Variants in RYR3 observed in about 807,000 individuals in gnomAD.
RYR3 encodes ryanodine receptor 3, also known as brain ryanodine receptor-calcium release channel.
RYR3 carries 207 observed loss-of-function variants against 584.3 expected under a neutral mutation model. That is an observed-to-expected ratio of 0.35 (90% confidence interval 0.32 to 0.40). The LOEUF (loss-of-function observed/expected upper bound fraction) is 0.40, where lower values mean the gene tolerates loss of function less well. Among genes scored for constraint, RYR3 ranks in the 10% least tolerant of loss-of-function variants. RYR3 has a pLI of 1.00. For missense variants in RYR3, 5,616 were observed against 6,089.2 expected, an observed-to-expected ratio of 0.92 and a Z score of 2.59; for synonymous variants, 2,416 against 2,248.5, an observed-to-expected ratio of 1.07 and a Z score of -2.11.
chr15:33,859,839 C>A, intron 100 of RYR3, 108 bp downstream of exon 100: 1 of 1,234,298 alleles, frequency 8.1e-7, no homozygotes, highest in Non-Finnish European at 1.1e-6. Flanking sequence ...AATTCATTTA[C>A]TTGTTAATTT....
At chr15:33,684,954 A>T (rs563244420) in intron 38 of RYR3, among the ~76,000 whole-genome samples, 57 of 152,314 alleles carry the variant, frequency 3.7e-4, no homozygotes, top group African/African-American at 1.3e-3. Flanking sequence ...AGCACTAAAC[A>T]TGGAAAGGAA....
intron 10 of RYR3, among the ~76,000 whole-genome samples, chr15:33,558,616 A>T (rs1248632454): frequency 6.6e-6 from 1 of 152,212 alleles, no homozygotes; most frequent in Non-Finnish European, 1.5e-5. Flanking sequence ...TGTGGAAGAC[A>T]GTGTGGCGAT....
chr15:33,829,350 C>T (rs887576707), intron 85 of RYR3, among the ~76,000 whole-genome samples: 3 of 152,054 alleles, frequency 2.0e-5, no homozygotes, highest in Non-Finnish European at 4.4e-5. Flanking sequence ...TTAAGAAATG[C>T]ATTTCGTAAG....
At chr15:33,720,120 T>C (rs56380591) in intron 43 of RYR3, among the ~76,000 whole-genome samples, 1 of 152,334 alleles carries the variant, frequency 6.6e-6, no homozygotes, top group African/African-American at 2.4e-5. Flanking sequence ...GTCTAATAAA[T>C]TTTTTTCTGG....
intron 1 of RYR3, chr15:33,465,881 C>T (rs188164382): frequency 3.3e-4 from 159 of 478,762 alleles, no homozygotes; most frequent in African/African-American, 2.9e-3. Context: ...TTCTCTCTTC[C>T]TCCCTTCCTT....
chr15:33,723,942 C>G, intron 44 of RYR3, 123 bp from the exon 45 acceptor site: 2 of 608,440 alleles, frequency 3.3e-6, no homozygotes, highest in Admixed American at 3.1e-5. Flanking sequence ...AGACGAGGTT[C>G]CAAGGGAAAG....
At chr15:33,608,820 A>C (rs1191761833) in intron 18 of RYR3, among the ~76,000 whole-genome samples, 1 of 152,238 alleles carries the variant, frequency 6.6e-6, no homozygotes, top group African/African-American at 2.4e-5. Flanking sequence ...GGGAAAAGAC[A>C]GTGTCTTTCA....
chr15:33,738,117 A>G (rs532003377), intron 49 of RYR3, among the ~76,000 whole-genome samples: 1 of 152,326 alleles, frequency 6.6e-6, no homozygotes, highest in East Asian at 1.9e-4. Flanking sequence ...CTGACTGGCT[A>G]GAACAGCTCA....
intron 3 of RYR3, among the ~76,000 whole-genome samples, chr15:33,523,357 T>C (rs2054149463): frequency 6.6e-6 from 1 of 152,134 alleles, no homozygotes; most frequent in Non-Finnish European, 1.5e-5. Context: ...CCACACTACC[T>C]TTATGAGCTG....
intron 70 of RYR3, among the ~76,000 whole-genome samples, chr15:33,809,931 C>G (rs1043505444): frequency 2.0e-5 from 3 of 152,166 alleles, no homozygotes; most frequent in African/African-American, 7.2e-5. Flanking sequence ...TTCAGTTTTT[C>G]TCCTAACTTT....
At chr15:33,704,035 C>T (rs150372780) in intron 42 of RYR3, among the ~76,000 whole-genome samples, 8,904 of 152,070 alleles carry the variant, frequency 0.059, 395 homozygotes, top group Admixed American at 0.079. Context: ...TTCAGGAGGC[C>T]GAGGCAGGTG....
At chr15:33,770,391 G>A (rs11639018) in intron 62 of RYR3, among the ~76,000 whole-genome samples, 61,053 of 152,024 alleles carry the variant, frequency 0.4, 14,406 homozygotes, top group East Asian at 0.66. Context: ...GTTTTGTTTT[G>A]TTTTAAATGA....
At chr15:33,560,337 C>G (rs905538807) in intron 10 of RYR3, among the ~76,000 whole-genome samples, 1 of 152,130 alleles carries the variant, frequency 6.6e-6, no homozygotes, top group African/African-American at 2.4e-5. Context: ...GCAGTGACTG[C>G]CGTAGAATTT....
intron 85 of RYR3, among the ~76,000 whole-genome samples, chr15:33,827,822 A>C (rs2059954): frequency 0.78 from 119,040 of 152,150 alleles, 46,692 homozygotes; most frequent in East Asian, 0.96. Context: ...CTAGAGCAAT[A>C]TGTTTAATGT....
chr15:33,440,072 GAGCCTAGGAGCTCAAGACC>G (rs949719405), intron 1 of RYR3, among the ~76,000 whole-genome samples: 19 of 152,290 alleles, frequency 1.2e-4, no homozygotes, highest in African/African-American at 4.6e-4. Context: ...AGGATCACTT[GAGCCTAGGAGCTCAAGACC>G]AGCCTGGGCA....
intron 91 of RYR3, among the ~76,000 whole-genome samples, chr15:33,842,461 A>G (rs1368379344): frequency 1.3e-5 from 2 of 152,238 alleles, no homozygotes; most frequent in Admixed American, 6.5e-5. Context: ...ATTGTTCTAT[A>G]TGCAATCAAA....
intron 1 of RYR3, among the ~76,000 whole-genome samples, chr15:33,409,456 G>A (rs1044200201): frequency 6.6e-6 from 1 of 151,990 alleles, no homozygotes; most frequent in Non-Finnish European, 1.5e-5. Context: ...AACTCTGGCT[G>A]TCTTGGGCTC....
rs1236278614 is a variant in RYR3 at position 33,550,269 on chromosome 15, G to A, written c.925G>A (p.Ala309Thr). ...EDQGLILQDRAKSDTKSTAFS... is the reference protein window; with the variant it reads ...EDQGLILQDRTKSDTKSTAFS... ...CCAAGGCCTTATACTGCAAGACCGG[G>A]CAAAGTCAGACACCAAGTCCACAGC... The change falls in exon 10 of 104, where the codon GCA (alanine) becomes ACA (threonine). Residue 309 changes from alanine to threonine, a missense_variant. Transcript: ENST00000634891. 5.0e-6 allele frequency: 8 copies of A among 1,613,546 alleles called. No homozygotes were observed. The Middle Eastern group carries it at 4.9e-4, about 100-fold the overall frequency.
intron 50 of RYR3, among the ~76,000 whole-genome samples, chr15:33,739,284 C>T (rs549975991): frequency 2.6e-5 from 4 of 152,174 alleles, no homozygotes; most frequent in Non-Finnish European, 5.9e-5. Flanking sequence ...CCCTGGATTT[C>T]GTTGGTCTAG....
Sources: gnomAD v4.1 joint callset for allele counts (sites outside exome capture counted in the v4.1 genomes callset) on GRCh38, gnomAD v4.1.1 for gene constraint, MANE v1.5 for transcripts, NCBI Gene and HGNC (gene_info 2026-07-23, HGNC 2026-07-21) for gene names.